CD48: variants seen among roughly 807,000 people sequenced by gnomAD.
CD48 encodes the protein CD48 antigen.
Under a neutral mutation model 22.0 loss-of-function variants are expected in CD48, and 20 were observed. The ratio of observed to expected loss-of-function variants is 0.91; its 90% CI spans 0.64 to 1.32. The LOEUF (loss-of-function observed/expected upper bound fraction) is 1.32, where lower values mean the gene tolerates loss of function less well. CD48 is among the 40% of genes most tolerant of loss of function. CD48 has a pLI of 0.00. For synonymous variants in CD48, 110 were observed against 110.1 expected, an observed-to-expected ratio of 1.00 and a Z score of 0.01; for missense variants, 307 against 286.5, an observed-to-expected ratio of 1.07 and a Z score of -0.52.
intron 1 of CD48, among the ~76,000 whole-genome samples, chr1:160,703,175 C>T (rs997680643): frequency 6.6e-6 from 1 of 152,136 alleles, no homozygotes. Context: ...GCTGAGCCTG[C>T]AAATGGGCCT....
intron 1 of CD48, among the ~76,000 whole-genome samples, chr1:160,687,410 G>T (rs1662042470): frequency 6.6e-6 from 1 of 152,154 alleles, no homozygotes; most frequent in Non-Finnish European, 1.5e-5. Context: ...GTAAAGACAG[G>T]CATAGGAAAT....
chr1:160,691,745 A>C, intron 1 of CD48: 1 of 354,916 alleles, frequency 2.8e-6, no homozygotes, highest in Non-Finnish European at 5.0e-6. Context: ...GGGGCAACCC[A>C]CCCCTTCATC....
intron 3 of CD48, chr1:160,680,835 C>G (rs1661767150): frequency 1.5e-6 from 2 of 1,291,410 alleles, no homozygotes; most frequent in African/African-American, 3.0e-5. Flanking sequence ...CCCCTCTAGA[C>G]AGCTGCTCGC....
intron 1 of CD48, among the ~76,000 whole-genome samples, chr1:160,707,955 C>T (rs1363347016): frequency 6.6e-6 from 1 of 152,132 alleles, no homozygotes; most frequent in Non-Finnish European, 1.5e-5. Context: ...TGGCTCCTTC[C>T]CTTGAGCTTC....
chr1:160,689,953 C>G (rs2102412958), intron 1 of CD48, among the ~76,000 whole-genome samples: 1 of 152,262 alleles, frequency 6.6e-6, no homozygotes, highest in East Asian at 1.9e-4. Flanking sequence ...GCTGCAGTTA[C>G]AGTATTATCT....
chr1:160,710,086 GA>G (rs1349780458), intron 1 of CD48, among the ~76,000 whole-genome samples: 6 of 152,300 alleles, frequency 3.9e-5, no homozygotes, highest in African/African-American at 1.2e-4. Context: ...AGAGGTAAGA[GA>G]AAACGCCTCT....
At chr1:160,695,201 T>C (rs1440994620) in intron 1 of CD48, among the ~76,000 whole-genome samples, 1 of 152,302 alleles carries the variant, frequency 6.6e-6, no homozygotes, top group Non-Finnish European at 1.5e-5. Flanking sequence ...TGGAAAGTGT[T>C]ACCTCAGGGA....
At chr1:160,682,439 G>C (rs1313570991) in intron 2 of CD48, among the ~76,000 whole-genome samples, 2 of 147,764 alleles carry the variant, frequency 1.4e-5, no homozygotes, top group East Asian at 4.0e-4. Context: ...ACTCCAGCTT[G>C]GGTAAGGAGA....
At chr1:160,686,092 A>G (rs904538816) in intron 1 of CD48, among the ~76,000 whole-genome samples, 6 of 152,138 alleles carry the variant, frequency 3.9e-5, no homozygotes, top group South Asian at 2.1e-4. Context: ...GATAGGTCAG[A>G]TAATTTCTTT....
chr1:160,706,719 A>T (rs944296432), intron 1 of CD48, among the ~76,000 whole-genome samples: 1 of 152,034 alleles, frequency 6.6e-6, no homozygotes, highest in Non-Finnish European at 1.5e-5. Context: ...TTTCACTTTT[A>T]AAAAAAAGAA....
In CD48 at chr1:160,680,716, G is replaced by C. The variant is rs752164249; in HGVS notation, c.652+486C>G. The C allele has an allele frequency of 1.4e-5, 14 of 1,020,324 alleles. No individual in the cohort carries two copies. The Admixed American group carries it at 2.0e-4, about 15-fold the overall frequency. 63.2% of individuals were successfully genotyped at this position (1,020,324 alleles called of 1,614,324 possible). A position where few individuals can be genotyped will look rare whatever the true frequency, so the allele number is the denominator to read the frequency against. On this transcript the variant is annotated intron_variant, in intron 3 of 3. Coordinates refer to ENST00000368046, the MANE Select transcript of CD48 (RefSeq NM_001778.4). Reference sequence around the variant, plus strand: ...GAGGCTCAGGCTCTCACGCCTCCTCGACGGCCTCTCTCAGGCCCGTCTCCT... The same window carrying C: ...GAGGCTCAGGCTCTCACGCCTCCTCCACGGCCTCTCTCAGGCCCGTCTCCT...
At chr1:160,695,121 G>A (rs1000250159) in intron 1 of CD48, among the ~76,000 whole-genome samples, 1 of 152,192 alleles carries the variant, frequency 6.6e-6, no homozygotes, top group Non-Finnish European at 1.5e-5. Context: ...CTCTGGCAGA[G>A]CAGGATTGTG....
intron 1 of CD48, among the ~76,000 whole-genome samples, chr1:160,704,997 A>G (rs1662748777): frequency 6.6e-6 from 1 of 152,198 alleles, no homozygotes; most frequent in South Asian, 2.1e-4. Context: ...AAGGTAGAAG[A>G]AGAGGAAATA....
chr1:160,687,566 C>T lies in CD48; in HGVS notation c.83-2377G>A, dbSNP rs145169682. On this transcript the variant is annotated intron_variant, in intron 1 of 3. Transcript: ENST00000368046. ...ATGTCCATAAAATATTCACAATCCACGTTCTTCTGCCATGGCTTCAGCCGG... is the reference window on the plus strand; with the variant it reads ...ATGTCCATAAAATATTCACAATCCATGTTCTTCTGCCATGGCTTCAGCCGG... 9.1e-3 allele frequency among the ~76,000 whole-genome samples: 1,392 copies of T among 152,322 alleles called. 13 individuals are homozygous for T. Among genetic ancestry groups the T allele is most frequent in the Non-Finnish European group, 0.011 (743 of 68,030 alleles).
chr1:160,685,187 G>T lies in CD48; in HGVS notation c.85C>A (p.His29Asn). The T allele has an allele frequency of 6.2e-7, 1 of 1,602,950 alleles. No homozygotes were observed. Among genetic ancestry groups the T allele is most frequent in the South Asian group, 1.1e-5 (1 of 90,006 alleles). The change falls in exon 2 of 4, where the codon CAC becomes AAC. Residue 29 changes from histidine (H) to asparagine (N), a missense_variant and splice_region_variant. Physicochemically the swap from His to Asn is moderately conservative, Grantham distance 68. Transcript: ENST00000368046. ...GAGACCACGGTCATATGTACCAAGT[G>T]ACCTGCCAATGAGATTCAGAGTGAG... The part of the protein sequence containing the change: ...LSLLVTSIQG[H>N]LVHMTVVSGS...
chr1:160,710,548 GATGTTTTCAGT>G (rs1162610591), intron 1 of CD48, among the ~76,000 whole-genome samples: 1 of 152,188 alleles, frequency 6.6e-6, no homozygotes, highest in Non-Finnish European at 1.5e-5. Flanking sequence ...CAACTGTCAG[GATGTTTTCAGT>G]ATGCCTAGAG....
At chr1:160,707,769 C>G (rs190019664) in intron 1 of CD48, among the ~76,000 whole-genome samples, 1 of 152,272 alleles carries the variant, frequency 6.6e-6, no homozygotes, top group East Asian at 1.9e-4. Context: ...CCCAGCTTGA[C>G]TGAAACAATG....
chr1:160,680,505 C>T, intron 3 of CD48: 1 of 889,964 alleles, frequency 1.1e-6, no homozygotes, highest in Non-Finnish European at 1.3e-6. Flanking sequence ...AAGTGACAGT[C>T]CTAGAAGTGA....
chr1:160,693,402 T>A (rs1167493259), intron 1 of CD48, among the ~76,000 whole-genome samples: 1 of 152,204 alleles, frequency 6.6e-6, no homozygotes, highest in Non-Finnish European at 1.5e-5. Flanking sequence ...TCAGATGTAA[T>A]CTCAGAGTAT....
Sources: allele counts gnomAD v4.1 joint callset (sites outside exome capture counted in the v4.1 genomes callset), GRCh38; gene constraint gnomAD v4.1.1; transcripts MANE v1.5; gene names NCBI Gene and HGNC (gene_info 2026-07-23, HGNC 2026-07-21).